Variants in CPAMD8 observed in about 807,000 individuals in gnomAD.
CPAMD8 encodes C3 and PZP-like alpha-2-macroglobulin domain-containing protein 8.
In CPAMD8, 146 loss-of-function variants were observed where a neutral mutation model predicts 224.7. The observed-to-expected ratio is 0.65, with a 90% CI of 0.57 to 0.75. The LOEUF is 0.75. Among genes scored for constraint, CPAMD8 ranks in the 30% least tolerant of loss-of-function variants. The pLI is 0.00. For synonymous variants in CPAMD8, 966 were observed against 1,044.6 expected (o/e 0.92, Z 1.45); for missense variants, 2,301 against 2,537.5 (o/e 0.91, Z 2.00).
chr19:16,903,901 T>C (rs777567036), intron 32 of CPAMD8, 44 bp from the exon 33 acceptor site: 4 of 1,593,082 alleles, frequency 2.5e-6, no homozygotes, highest in Non-Finnish European at 3.4e-6. Context: ...GAGACTGAGT[T>C]GGCCAGTGGT....
At chr19:16,912,337 G>A (rs1397432732) in intron 29 of CPAMD8, among the ~76,000 whole-genome samples, 3 of 152,264 alleles carry the variant, frequency 2.0e-5, no homozygotes, top group East Asian at 3.9e-4. Context: ...CAGGCCTTCA[G>A]GTTCAGAAGA....
rs370440791 is a variant in CPAMD8, at chr19:16,916,000, C to CCT, written c.3630-1189_3630-1188dup. On this transcript the variant is annotated intron_variant, in intron 27 of 41. Transcript: ENST00000443236. ...TTCTCTCTCTCTCCCTCCCTCCCTT[C>CCT]CTCTCTCTCTCTCTCTTGCTTTCTT... is the stretch of plus-strand genomic sequence containing the variant. Among the ~76,000 whole-genome samples the CCT allele has an allele frequency of 7.1e-4, 104 of 146,840 alleles. 1 individual carries two copies. Among genetic ancestry groups the CCT allele is most frequent in the Middle Eastern group, 3.5e-3 (1 of 286 alleles).
At chr19:16,937,950 G>A (rs1024390823) in intron 23 of CPAMD8, among the ~76,000 whole-genome samples, 17 of 152,000 alleles carry the variant, frequency 1.1e-4, no homozygotes, top group African/African-American at 2.7e-4. Flanking sequence ...TACCGCGCCC[G>A]GCCAACTTTG....
intron 29 of CPAMD8, among the ~76,000 whole-genome samples, chr19:16,911,446 C>T (rs2052724635): frequency 6.6e-6 from 1 of 151,998 alleles, no homozygotes; most frequent in Admixed American, 6.5e-5. Flanking sequence ...ACTGCAACCT[C>T]TGCCTCCCAG....
intron 14 of CPAMD8, among the ~76,000 whole-genome samples, chr19:16,979,644 G>A (rs2055436747): frequency 6.6e-6 from 1 of 151,504 alleles, no homozygotes; most frequent in African/African-American, 2.4e-5. Flanking sequence ...CTTTCTATCT[G>A]TCCATCCATC....
chr19:16,980,422 C>T (rs2055467121), intron 14 of CPAMD8, 75 bp downstream of exon 14: 3 of 1,456,888 alleles, frequency 2.1e-6, no homozygotes, highest in Non-Finnish European at 2.8e-6. Context: ...CTTGTCCCTC[C>T]TTGCAGGAGC....
intron 3 of CPAMD8, among the ~76,000 whole-genome samples, chr19:17,017,160 C>A (rs1338061829): frequency 6.6e-6 from 1 of 152,126 alleles, no homozygotes; most frequent in Non-Finnish European, 1.5e-5. Context: ...GTGAACTGTG[C>A]ATGGGAGGGG....
At chr19:16,999,025 C>A (rs2056224848) in intron 10 of CPAMD8, among the ~76,000 whole-genome samples, 1 of 152,146 alleles carries the variant, frequency 6.6e-6, no homozygotes, top group Non-Finnish European at 1.5e-5. Context: ...ATTGATCATG[C>A]TACGATGTAG....
At chr19:16,918,524 T>G (rs1454604408) in intron 27 of CPAMD8, among the ~76,000 whole-genome samples, 2 of 150,956 alleles carry the variant, frequency 1.3e-5, no homozygotes, top group Non-Finnish European at 2.9e-5. Context: ...CATAGCTCAC[T>G]GCAGCCTTGA....
At chr19:16,971,232 G>A (rs371072418) in intron 17 of CPAMD8, 199 bp from the exon 18 acceptor site, 64 of 513,906 alleles carry the variant, frequency 1.2e-4, no homozygotes, top group Non-Finnish European at 2.0e-4. Context: ...ACGGAGTCTC[G>A]CTCTGTCGCC....
rs754481637 is a variant in CPAMD8 at position 16,896,154 on chromosome 19, CTGGGG to C, written c.5426+17_5426+21del. ...GATATTGAGCCTATGTCTCTTATCT[CTGGGG>C]TGGGCCCAGCTGTTACCTGTCCTCC... On this transcript the variant is annotated intron_variant, in intron 41 of 41. Coordinates refer to ENST00000443236, the MANE Select transcript of CPAMD8 (RefSeq NM_015692.5). 1.9e-6 allele frequency: 3 copies of C among 1,613,244 alleles called. No homozygotes were observed. In the South Asian group the frequency reaches 3.3e-5, roughly 18 times the overall value.
rs750235068 is a variant in CPAMD8, at chr19:16,902,699, C to T, written c.4635G>A (p.Ala1545=). The T allele has an allele frequency of 4.0e-5, 64 of 1,608,580 alleles. 1 individual carries two copies. The highest frequency in any genetic ancestry group is 4.0e-4 in the South Asian group (36 of 90,750). Residue 1545 remains alanine (A), a synonymous_variant, in exon 35 of 42, where the codon GCG becomes GCA. Coordinates refer to ENST00000443236, the MANE Select transcript of CPAMD8 (RefSeq NM_015692.5). ...TGTATTCCTGGTGATGCTGATCGGC[C>T]GCTGGGTCATCATCGTCAGCTGGGG... ...DWPPADDDDP[A]ADQHHQEYKV... is the part of the protein sequence containing the mutation.
intron 24 of CPAMD8, among the ~76,000 whole-genome samples, 176 bp from the exon 25 acceptor site, chr19:16,928,410 A>G (rs1002736391): frequency 6.6e-6 from 1 of 152,232 alleles, no homozygotes; most frequent in African/African-American, 2.4e-5. Flanking sequence ...TCCATTAAAC[A>G]GCCAACAGAA....
rs574918991 is a variant in CPAMD8 at position 16,922,444 on chromosome 19, C to T, written c.3548-458G>A. Among the ~76,000 whole-genome samples the T allele has an allele frequency of 2.0e-5, 3 of 150,422 alleles. No individual in the cohort carries two copies. In the South Asian group the frequency reaches 6.4e-4, roughly 32 times the overall value. On this transcript the variant is annotated intron_variant, in intron 26 of 41. Coordinates refer to ENST00000443236, the MANE Select transcript of CPAMD8 (RefSeq NM_015692.5). ...TTCTTGAAACTGTCTCATTCCACAT[C>T]TGGAGTCCCTGGAACTGCTCCACAC...
chr19:16,896,310 G>A lies in CPAMD8; in HGVS notation c.5292C>T (p.Ala1764=). 6.2e-7 allele frequency: 1 copy of A among 1,608,498 alleles called. No homozygotes were observed. The highest frequency in any genetic ancestry group is 1.1e-5 in the South Asian group (1 of 90,734). The change falls in exon 41 of 42, where the codon GCC becomes GCT. Residue 1764 remains alanine, a synonymous_variant. Transcript: ENST00000443236. ...CATCCCCGTAGGTGGAGGACGACGA[G>A]GCCGGCAGCCGCTGCTCTGGAAGGA... ...SCCALEQRLP[A]SSSSTYGDDL...
intron 26 of CPAMD8, among the ~76,000 whole-genome samples, chr19:16,923,433 T>C (rs1180751940): frequency 6.6e-6 from 1 of 152,114 alleles, no homozygotes; most frequent in Non-Finnish European, 1.5e-5. Context: ...AGGGCACCAC[T>C]GTGTGTGGTC....
chr19:16,904,321 T>A lies in CPAMD8; in HGVS notation c.4156A>T (p.Thr1386Ser), dbSNP rs958848120. The stretch of plus-strand genomic sequence containing the variant: ...GCCACGTCACCCAGCAGAGTGTAGG[T>A]CAGAAGGGCGTAGGCTGTCATTTCC... The part of the protein sequence containing the change: ...EVEMTAYALL[T>S]YTLLGDVAAA... The change falls in exon 32 of 42, where the codon ACC (threonine) becomes TCC (serine). Residue 1386 changes from threonine to serine, a missense_variant. Thr to Ser is a moderately conservative substitution (Grantham distance 58). This residue lies in a region of CPAMD8 where 1,709 missense variants were observed against 1,753.2 expected (regional missense o/e 0.97). Transcript: ENST00000443236. 6.2e-7 allele frequency: 1 copy of A among 1,613,674 alleles called. No homozygotes were observed. Among genetic ancestry groups the A allele is most frequent in the African/African-American group, 1.3e-5 (1 of 74,972 alleles).
intron 15 of CPAMD8, among the ~76,000 whole-genome samples, chr19:16,976,793 G>C (rs1200304124): frequency 6.6e-6 from 1 of 151,472 alleles, no homozygotes; most frequent in African/African-American, 2.5e-5. Context: ...TGTAATCCCA[G>C]CACTTCGGGA....
intron 13 of CPAMD8, among the ~76,000 whole-genome samples, chr19:16,987,171 AAAAAAAAAATAT>A (rs1311526667): frequency 3.1e-5 from 3 of 97,158 alleles, no homozygotes; most frequent in African/African-American, 9.9e-5. Context: ...AAAAAAAAAA[AAAAAAAAAATAT>A]ATATATATAT....
Sources: gnomAD v4.1 joint callset for allele counts (sites outside exome capture counted in the v4.1 genomes callset) on GRCh38, gnomAD v4.1.1 for gene constraint, gnomAD v4.1.1 regional missense constraint, MANE v1.5 for transcripts, NCBI Gene and HGNC (gene_info 2026-07-23, HGNC 2026-07-21) for gene names.